The following TENM3 variants were observed in gnomAD, a reference collection of about 807,000 sequenced individuals.
TENM3 encodes teneurin-3.
A neutral mutation model predicts 255.1 loss-of-function variants in TENM3; 63 were observed. That is an observed-to-expected ratio of 0.25 (90% CI 0.20 to 0.30). The LOEUF is 0.30. Ranked by LOEUF, TENM3 falls within the 10% of genes least tolerant of loss-of-function variation. The pLI is 1.00. For synonymous variants in TENM3, 1,306 were observed against 1,322.3 expected (o/e 0.99, Z 0.27); for missense variants, 2,929 against 3,461.1 (o/e 0.85, Z 3.86).
At chr4:182,194,772 G>A (rs370614143) in intron 1 of TENM3, among the ~76,000 whole-genome samples, 1 of 152,046 alleles carries the variant, frequency 6.6e-6, no homozygotes, top group Non-Finnish European at 1.5e-5. Context: ...TTCTCCTCAC[G>A]GTCTTCCGTG....
At chr4:182,210,045 C>T (rs1754899655) in intron 1 of TENM3, among the ~76,000 whole-genome samples, 1 of 152,200 alleles carries the variant, frequency 6.6e-6, no homozygotes, top group Non-Finnish European at 1.5e-5. Context: ...GCATCCTCCG[C>T]CATGAATCCT....
the TENM3 span, among the ~76,000 whole-genome samples, chr4:181,448,267 CG>C: frequency 5.6e-4 from 80 of 143,292 alleles, 2 homozygotes; most frequent in African/African-American, 1.9e-3. Flanking sequence ...CCCGGGTTCA[CG>C]CCATTCTCCT....
chr4:181,576,273 T>C, the TENM3 span, among the ~76,000 whole-genome samples: 2 of 152,208 alleles, frequency 1.3e-5, no homozygotes, highest in African/African-American at 4.8e-5. Flanking sequence ...GCAAAAGATA[T>C]GATTTCATTC....
At chr4:182,440,793 G>T (rs965179997) in intron 3 of TENM3, among the ~76,000 whole-genome samples, 29 of 151,948 alleles carry the variant, frequency 1.9e-4, no homozygotes, top group Non-Finnish European at 2.9e-5. Context: ...CGTGCGGAAG[G>T]CATTGAGCAT....
intron 1 of TENM3, among the ~76,000 whole-genome samples, chr4:182,191,006 C>T (rs1484190228): frequency 6.6e-6 from 1 of 152,104 alleles, no homozygotes; most frequent in Non-Finnish European, 1.5e-5. Context: ...CCTGGTTAAC[C>T]ATTTTAGCCC....
At chr4:182,063,811 A>C in the TENM3 span, among the ~76,000 whole-genome samples, 1 of 152,218 alleles carries the variant, frequency 6.6e-6, no homozygotes, top group African/African-American at 2.4e-5. Context: ...AATGCCAGCC[A>C]CAGACAGAAA....
intron 4 of TENM3, among the ~76,000 whole-genome samples, chr4:182,621,814 AT>A (rs1177068727): frequency 2.5e-5 from 3 of 117,906 alleles, no homozygotes; most frequent in Non-Finnish European, 5.0e-5. Context: ...TATATATTAT[AT>A]ATATATATAT....
intron 3 of TENM3, among the ~76,000 whole-genome samples, chr4:182,596,302 A>G (rs964247921): frequency 2.0e-5 from 3 of 152,232 alleles, no homozygotes; most frequent in Non-Finnish European, 4.4e-5. Context: ...TCATTCAACA[A>G]GTATTTATTG....
chr4:182,078,276 C>T, the TENM3 span, among the ~76,000 whole-genome samples: 1 of 152,224 alleles, frequency 6.6e-6, no homozygotes, highest in African/African-American at 2.4e-5. Context: ...TTAATCCCAG[C>T]ACTTTAGGAG....
intron 1 of TENM3, among the ~76,000 whole-genome samples, chr4:182,158,218 C>G (rs1473143771): frequency 5.3e-5 from 8 of 152,148 alleles, no homozygotes; most frequent in Non-Finnish European, 1.2e-4. Flanking sequence ...TGAGATTTCT[C>G]AAGAAATGCC....
intron 19 of TENM3, among the ~76,000 whole-genome samples, chr4:182,748,067 A>G (rs1259888506): frequency 6.6e-6 from 1 of 152,180 alleles, no homozygotes; most frequent in Non-Finnish European, 1.5e-5. Context: ...TGACAAAATA[A>G]ATGAGCAAAT....
chr4:182,412,544 A>G (rs1270966810), intron 3 of TENM3, among the ~76,000 whole-genome samples: 17 of 152,138 alleles, frequency 1.1e-4, no homozygotes, highest in Non-Finnish European at 2.5e-4. Flanking sequence ...TCAGAGTAAT[A>G]AGGGAAGTAA....
chr4:181,895,727 A>G, the TENM3 span, among the ~76,000 whole-genome samples: 2 of 151,430 alleles, frequency 1.3e-5, no homozygotes, highest in African/African-American at 4.9e-5. Flanking sequence ...TAAATTTTTT[A>G]TAGAGACAAG....
At chr4:182,336,949 A>G (rs112402295) in intron 2 of TENM3, among the ~76,000 whole-genome samples, 2 of 151,454 alleles carry the variant, frequency 1.3e-5, no homozygotes, top group African/African-American at 2.4e-5. Flanking sequence ...TCCACTGTAT[A>G]CATGAGGAAT....
At chr4:182,109,664 G>A in the TENM3 span, among the ~76,000 whole-genome samples, 49 of 152,202 alleles carry the variant, frequency 3.2e-4, no homozygotes, top group Admixed American at 2.0e-4. Context: ...TTACATGACC[G>A]AGTTAAGGAT....
At chr4:181,637,867 T>C in the TENM3 span, among the ~76,000 whole-genome samples, 1 of 152,158 alleles carries the variant, frequency 6.6e-6, no homozygotes, top group South Asian at 2.1e-4. Context: ...AGAACAGAAA[T>C]AAATAATTTC....
intron 1 of TENM3, among the ~76,000 whole-genome samples, chr4:182,165,216 G>A (rs770286078): frequency 6.6e-6 from 1 of 152,152 alleles, no homozygotes; most frequent in South Asian, 2.1e-4. Context: ...GGACTTACTA[G>A]TAGGTAGTGA....
chr4:182,401,377 T>C (rs1167355589), intron 3 of TENM3, among the ~76,000 whole-genome samples: 1 of 152,208 alleles, frequency 6.6e-6, no homozygotes, highest in Non-Finnish European at 1.5e-5. Context: ...CTTAATGAAA[T>C]ACATTACATT....
chr4:181,974,301 C>G, the TENM3 span, among the ~76,000 whole-genome samples: 4 of 152,330 alleles, frequency 2.6e-5, 1 homozygote, highest in Admixed American at 2.6e-4. Context: ...GGTGCAGTGG[C>G]TGACACCTGT....
Sources: gnomAD v4.1 joint callset for allele counts (sites outside exome capture counted in the v4.1 genomes callset) on GRCh38, gnomAD v4.1.1 for gene constraint, MANE v1.5 for transcripts, NCBI Gene and HGNC (gene_info 2026-07-23, HGNC 2026-07-21) for gene names.